The following GON4L variants were observed in gnomAD, a reference collection of about 807,000 sequenced individuals.
The protein encoded by GON4L is GON-4-like protein.
GON4L carries 87 observed loss-of-function variants against 211.8 expected under a neutral mutation model. That is an observed-to-expected ratio of 0.41 (90% confidence interval 0.35 to 0.49). The LOEUF is 0.49. Ranked by LOEUF, GON4L falls within the 20% of genes least tolerant of loss-of-function variation. The pLI is 0.15. For missense variants in GON4L, 2,155 were observed against 2,659.5 expected (o/e 0.81, Z 4.17); for synonymous variants, 875 against 962.6 (o/e 0.91, Z 1.68).
In GON4L at chr1:155,765,485, C is replaced by T. The variant is rs1318341718; in HGVS notation, c.3988G>A (p.Glu1330Lys). The change falls in exon 21 of 32, where the codon GAA (glutamate) becomes AAA (lysine). Residue 1330 changes from glutamate (E) to lysine (K), a missense_variant. Physicochemically the swap from Glu to Lys is moderately conservative, Grantham distance 56. This residue lies in a region of GON4L where 615 missense variants were observed against 625.7 expected (regional missense o/e 0.98). Transcript: ENST00000368331. ...DLEEIVKMEP[E>K]EAREEISGSP... ...CCACTGATTTCCTCTCTAGCTTCTTCAGGTTCCATCTTGACAATTTCCTCT... is the reference window on the plus strand; with the variant it reads ...CCACTGATTTCCTCTCTAGCTTCTTTAGGTTCCATCTTGACAATTTCCTCT... The T allele has an allele frequency of 2.5e-6, 4 of 1,614,182 alleles. No individual in the cohort carries two copies. Among genetic ancestry groups the T allele is most frequent in the East Asian group, 4.5e-5 (2 of 44,886 alleles).
intron 2 of GON4L, chr1:155,832,946 A>G (rs1328651865): frequency 6.7e-6 from 1 of 148,902 alleles, no homozygotes; most frequent in Non-Finnish European, 1.5e-5. Flanking sequence ...TTTGTGTTAC[A>G]TTATCTGATT....
At chr1:155,851,038 G>T (rs532720066) in intron 2 of GON4L, among the ~76,000 whole-genome samples, 12 of 95,420 alleles carry the variant, frequency 1.3e-4, no homozygotes, top group Non-Finnish European at 2.2e-4. Context: ...TGGCAACAGA[G>T]CGAGACTCCA....
At position 155,751,785 on chromosome 1, in the gene GON4L, T is replaced by C. The variant is rs1382563927; in HGVS notation, c.6558A>G (p.Gly2186=). 1.9e-6 allele frequency: 3 copies of C among 1,613,080 alleles called. No homozygotes were observed. Among genetic ancestry groups the C allele is most frequent in the Admixed American group, 1.7e-5 (1 of 59,954 alleles). ...QTFNIISQQL[G]NKTPAEVSHR... The stretch of plus-strand genomic sequence containing the variant: ...CACCTACCTCAGCAGGGGTCTTATT[T>C]CCCAGCTGCTGGGAGATGATGTTGA... The change falls in exon 31 of 32, where the codon GGA becomes GGG. Residue 2186 remains glycine, a synonymous_variant. Coordinates refer to ENST00000368331, the MANE Select transcript of GON4L (RefSeq NM_001282860.2).
chr1:155,852,881 G>A (rs1039602884), intron 2 of GON4L, among the ~76,000 whole-genome samples: 2 of 152,226 alleles, frequency 1.3e-5, no homozygotes, highest in African/African-American at 4.8e-5. Context: ...GGGAGGCCAA[G>A]GCAAACGTAT....
intron 3 of GON4L, among the ~76,000 whole-genome samples, chr1:155,825,294 C>T (rs898479455): frequency 3.3e-5 from 5 of 152,124 alleles, no homozygotes; most frequent in African/African-American, 7.2e-5. Flanking sequence ...ATGTTGAGGC[C>T]GGGCACGGTG....
chr1:155,762,689 T>C (rs1661952823), intron 22 of GON4L, among the ~76,000 whole-genome samples: 1 of 152,222 alleles, frequency 6.6e-6, no homozygotes, highest in African/African-American at 2.4e-5. Flanking sequence ...CAGTGTTTTC[T>C]GAAATAAACA....
intron 10 of GON4L, among the ~76,000 whole-genome samples, chr1:155,807,876 T>C (rs2102113910): frequency 6.6e-6 from 1 of 152,108 alleles, no homozygotes; most frequent in South Asian, 2.1e-4. Context: ...CTGCATTGAA[T>C]CTGTAGATCA....
chr1:155,748,135 TC>T, downstream of GON4L: 10 of 1,589,758 alleles, frequency 6.3e-6, no homozygotes, highest in Non-Finnish European at 7.7e-6. Context: ...GATGTAAGTC[TC>T]GGTGCTCTTG....
chr1:155,834,312 A>C (rs964582919), intron 2 of GON4L, among the ~76,000 whole-genome samples: 5 of 151,878 alleles, frequency 3.3e-5, no homozygotes, highest in African/African-American at 1.2e-4. Flanking sequence ...TCCTCTTTTC[A>C]CTTTTACTAT....
At chr1:155,773,458 T>G (rs1412133639) in intron 17 of GON4L, 2 of 514,704 alleles carry the variant, frequency 3.9e-6, no homozygotes, top group South Asian at 4.3e-5. Flanking sequence ...ATTCACTAAG[T>G]AAAACAAACA....
At chr1:155,756,335 G>T (rs1024584815) in intron 27 of GON4L, among the ~76,000 whole-genome samples, 6 of 151,928 alleles carry the variant, frequency 3.9e-5, no homozygotes, top group African/African-American at 1.5e-4. Context: ...TTTCTCACAT[G>T]AGCAAAAATG....
At chr1:155,854,447 G>T (rs1394573618) in intron 1 of GON4L, among the ~76,000 whole-genome samples, 1 of 152,108 alleles carries the variant, frequency 6.6e-6, no homozygotes, top group South Asian at 2.1e-4. Context: ...GAGCCACCGC[G>T]TCCAGCAAAC....
intron 12 of GON4L, among the ~76,000 whole-genome samples, chr1:155,789,675 A>G (rs1335635324): frequency 1.3e-5 from 2 of 152,136 alleles, no homozygotes; most frequent in Non-Finnish European, 1.5e-5. Flanking sequence ...ACTAAGATGC[A>G]TCCACAGACG....
intron 2 of GON4L, among the ~76,000 whole-genome samples, chr1:155,831,355 C>T (rs1446851738): frequency 6.6e-6 from 1 of 151,950 alleles, no homozygotes; most frequent in East Asian, 1.9e-4. Context: ...GAGGCCAAGG[C>T]AGAAAGATTA....
intron 11 of GON4L, among the ~76,000 whole-genome samples, chr1:155,795,389 G>C (rs1464313098): frequency 6.6e-6 from 1 of 152,074 alleles, no homozygotes; most frequent in Non-Finnish European, 1.5e-5. Context: ...ACCACACCCA[G>C]CTAATTTTGT....
At chr1:155,813,844 TAAGA>T (rs1321851533) in intron 9 of GON4L, 40 bp from the exon 10 acceptor site, 4 of 1,569,202 alleles carry the variant, frequency 2.5e-6, no homozygotes, top group Non-Finnish European at 2.6e-6. Flanking sequence ...AGGAAGGAGG[TAAGA>T]AAGAAAGAGA....
intron 19 of GON4L, 143 bp downstream of exon 19, chr1:155,770,924 G>A: frequency 1.7e-6 from 2 of 1,179,570 alleles, no homozygotes; most frequent in Non-Finnish European, 1.2e-6. Context: ...TGCCCAAAAG[G>A]CAATAGGGGA....
At chr1:155,840,186 T>A (rs1670651503) in intron 2 of GON4L, among the ~76,000 whole-genome samples, 1 of 152,246 alleles carries the variant, frequency 6.6e-6, no homozygotes, top group Non-Finnish European at 1.5e-5. Context: ...AGAAAACTTT[T>A]CATGTTCACC....
rs1660664227 is a variant in GON4L at position 155,752,109 on chromosome 1, G to C, written c.6324C>G (p.Pro2108=). 1 of 1,613,458 alleles carries C rather than the reference G, an allele frequency of 6.2e-7. No homozygotes were observed. Among genetic ancestry groups the C allele is most frequent in the Non-Finnish European group, 8.5e-7 (1 of 1,179,622 alleles). Residue 2108 remains proline, a synonymous_variant, in exon 30 of 32, where the codon CCC becomes CCG. Coordinates refer to ENST00000368331, the MANE Select transcript of GON4L (RefSeq NM_001282860.2). ...PSGIDTSETS[P]KAPRGGLAKD... is the part of the protein sequence containing the mutation. The stretch of plus-strand genomic sequence containing the variant: ...TAGCCAAACCCCCTCTAGGGGCTTT[G>C]GGAGAAGTCTCTGAGGTGTCAATTC...
Sources: gnomAD v4.1 joint callset for allele counts (sites outside exome capture counted in the v4.1 genomes callset) on GRCh38, gnomAD v4.1.1 for gene constraint, gnomAD v4.1.1 regional missense constraint, MANE v1.5 for transcripts, NCBI Gene and HGNC (gene_info 2026-07-23, HGNC 2026-07-21) for gene names.